The following ANKRD36 variants were observed in gnomAD, a reference collection of about 807,000 sequenced individuals.
ANKRD36 encodes ankyrin repeat domain 36.
Under a neutral mutation model 278.1 loss-of-function variants are expected in ANKRD36, and 179 were observed. That is an observed-to-expected ratio of 0.64 (90% CI 0.57 to 0.73). The LOEUF (loss-of-function observed/expected upper bound fraction) is 0.73, where lower values mean the gene tolerates loss of function less well. Among genes scored for constraint, ANKRD36 ranks in the 30% least tolerant of loss-of-function variants. The pLI is 0.00. For synonymous variants in ANKRD36, 320 were observed against 641.1 expected, an observed-to-expected ratio of 0.50 and a Z score of 7.57; for missense variants, 1,159 against 1,956.7, an observed-to-expected ratio of 0.59 and a Z score of 7.69.
In ANKRD36 at chr2:97,191,151, G is replaced by T; in HGVS notation, c.2317G>T (p.Glu773Ter). 1 of 1,598,514 alleles carries T rather than the reference G, an allele frequency of 6.3e-7. No individual in the cohort carries two copies. Among genetic ancestry groups the T allele is most frequent in the Non-Finnish European group, 8.5e-7 (1 of 1,172,354 alleles). Residue 773 changes from glutamate to a stop codon, truncating the protein, a stop_gained, in exon 36 of 76, where the codon GAA (glutamate) becomes TAA (stop). Transcript: ENST00000420699. LOFTEE classifies it high-confidence loss of function. ...AGATTCTGTTTCGAACATAGCCACA[G>T]AAATAAAGGATGGAGAAAAATCTGG... The part of the protein sequence containing the change: ...EKDSVSNIAT[E>*]IKDGEKSGTV...
chr2:97,183,376 G>A, intron 26 of ANKRD36, 83 bp from the exon 27 acceptor site: 3 of 1,439,282 alleles, frequency 2.1e-6, no homozygotes, highest in South Asian at 1.3e-5. Flanking sequence ...GGAGGATACA[G>A]CTTGATGCTA....
At chr2:97,121,166 GTTGAACTT>G (rs2036705934) in intron 3 of ANKRD36, among the ~76,000 whole-genome samples, 1 of 151,926 alleles carries the variant, frequency 6.6e-6, no homozygotes. Flanking sequence ...TGGTAATCGG[GTTGAACTT>G]TTGAATTTAG....
intron 50 of ANKRD36, 53 bp from the exon 51 acceptor site, chr2:97,205,887 A>T (rs2062711621): frequency 1.1e-5 from 17 of 1,510,354 alleles, no homozygotes; most frequent in Non-Finnish European, 1.5e-5. Flanking sequence ...GAATGTATGG[A>T]TATCTTTATC....
intron 6 of ANKRD36, among the ~76,000 whole-genome samples, chr2:97,129,786 T>G (rs1230597406): frequency 6.6e-6 from 1 of 152,090 alleles, no homozygotes; most frequent in African/African-American, 2.4e-5. Context: ...GTTGTAGACA[T>G]GCGGCATTAT....
At chr2:97,140,414 G>A (rs561412717) in intron 6 of ANKRD36, among the ~76,000 whole-genome samples, 4 of 151,942 alleles carry the variant, frequency 2.6e-5, no homozygotes, top group African/African-American at 7.2e-5. Context: ...AAAGTCTTAC[G>A]TATGTGAAAG....
chr2:97,185,251 A>G (rs2057144259), intron 28 of ANKRD36, 65 bp from the exon 29 acceptor site: 2 of 1,558,340 alleles, frequency 1.3e-6, no homozygotes, highest in Admixed American at 3.4e-5. Flanking sequence ...CTAACACTTC[A>G]TGAATGTATA....
At chr2:97,125,201 A>C (rs1210357048) in intron 5 of ANKRD36, among the ~76,000 whole-genome samples, 1 of 151,752 alleles carries the variant, frequency 6.6e-6, no homozygotes, top group African/African-American at 2.4e-5. Flanking sequence ...CTTTGCTACC[A>C]GCATGCCCTT....
At chr2:97,198,392 C>G in intron 42 of ANKRD36, 71 bp from the exon 43 acceptor site, 1 of 1,549,838 alleles carries the variant, frequency 6.5e-7, no homozygotes, top group Non-Finnish European at 8.7e-7. Context: ...TTGATGCTAA[C>G]ACTGTATGAA....
chr2:97,205,355 T>C (rs2062555236), intron 50 of ANKRD36, among the ~76,000 whole-genome samples: 1 of 151,532 alleles, frequency 6.6e-6, no homozygotes, highest in Non-Finnish European at 1.5e-5. Flanking sequence ...TTACACCACA[T>C]GGGTGTGAGA....
rs570712013 is a variant in ANKRD36, at chr2:97,126,695, C to T, written c.732-372C>T. ...ATGCTGCTTCATTAAACCTATATAA[C>T]AACCTAGTGAAAGAAGATAGTAAAA... On this transcript the variant is annotated intron_variant, in intron 5 of 75. Transcript: ENST00000420699. 8.7e-4 allele frequency among the ~76,000 whole-genome samples: 132 copies of T among 151,994 alleles called. 1 individual carries two copies. The highest frequency in any genetic ancestry group is 1.3e-3 in the Non-Finnish European group (85 of 67,918).
At chr2:97,130,242 T>C (rs140092863) in intron 6 of ANKRD36, among the ~76,000 whole-genome samples, 2,565 of 151,994 alleles carry the variant, frequency 0.017, 51 homozygotes, top group Non-Finnish European at 0.024. Flanking sequence ...GTGGCACATA[T>C]ACACCATGGG....
At position 97,118,148 on chromosome 2, in the gene ANKRD36, C is replaced by A. The variant is rs769792584; in HGVS notation, c.282C>A (p.Cys94Ter). The change falls in exon 2 of 76, where the codon TGC (cysteine) becomes TGA (stop). Residue 94 changes from cysteine (C) to a stop codon, truncating the protein, a stop_gained. Transcript: ENST00000420699. LOFTEE classifies it high-confidence loss of function. ...CCAGAAGATGTGAGCTTAACCTCTG[C>A]GACCGTGAAGACAGGACACCTCTGA... is the stretch of plus-strand genomic sequence containing the variant. ...LVSRRCELNL[C>*]DREDRTPLIK... 62 of 1,570,374 alleles carry A rather than the reference C, an allele frequency of 3.9e-5. 3 individuals are homozygous for A. In the Admixed American group the frequency reaches 1.1e-3, roughly 28 times the overall value.
intron 56 of ANKRD36, among the ~76,000 whole-genome samples, chr2:97,210,299 G>C (rs1157271789): frequency 6.6e-6 from 1 of 151,838 alleles, no homozygotes; most frequent in Non-Finnish European, 1.5e-5. Flanking sequence ...GAGACCCCTG[G>C]TGTAGCAACT....
Position 97,115,374 on chromosome 2 carries a change from A to G in ANKRD36, c.197+1438A>G, listed in dbSNP as rs549072797. On this transcript the variant is annotated intron_variant, in intron 1 of 75. Coordinates refer to ENST00000420699, the MANE Select transcript of ANKRD36 (RefSeq NM_001354587.1). ...GATGCATGTTTATATTCCTACAAATATCACAAGCACACATTCTGAAGGTCG... is the reference window on the plus strand; with the variant it reads ...GATGCATGTTTATATTCCTACAAATGTCACAAGCACACATTCTGAAGGTCG... 2.1e-3 allele frequency among the ~76,000 whole-genome samples: 321 copies of G among 152,278 alleles called. 1 individual carries two copies. The highest frequency in any genetic ancestry group is 7.4e-3 in the African/African-American group (306 of 41,582).
At position 97,122,896 on chromosome 2, in the gene ANKRD36, C is replaced by G; in HGVS notation, c.496C>G (p.Gln166Glu). Residue 166 changes from glutamine to glutamate, a missense_variant, in exon 4 of 76, where the codon CAG (glutamine) becomes GAG (glutamate). Gln to Glu is a conservative substitution (Grantham distance 29). Coordinates refer to ENST00000420699, the MANE Select transcript of ANKRD36 (RefSeq NM_001354587.1). ...NIEECSKCEYQPLLFAVSRRK... is the reference protein window; with the variant it reads ...NIEECSKCEYEPLLFAVSRRK... ...TGCTGTTATTTTACAGTGTGAATAT[C>G]AGCCACTGTTATTTGCTGTGAGTCG... The G allele has an allele frequency of 6.5e-7, 1 of 1,540,124 alleles. No homozygotes were observed. Among genetic ancestry groups the G allele is most frequent in the Non-Finnish European group, 8.8e-7 (1 of 1,141,144 alleles).
chr2:97,181,953 G>A (rs1292335492), intron 26 of ANKRD36, among the ~76,000 whole-genome samples, 160 bp downstream of exon 26: 1 of 151,512 alleles, frequency 6.6e-6, no homozygotes, highest in African/African-American at 2.4e-5. Flanking sequence ...GCTGGTCTTC[G>A]ACATGATCTT....
At chr2:97,141,585 C>G (rs1336716132) in intron 6 of ANKRD36, among the ~76,000 whole-genome samples, 1 of 136,270 alleles carries the variant, frequency 7.3e-6, no homozygotes, top group Non-Finnish European at 1.6e-5. Context: ...TACTAGAATT[C>G]AGATAAACCA....
chr2:97,204,601 TA>T (rs2062336616), intron 50 of ANKRD36, among the ~76,000 whole-genome samples: 1 of 151,228 alleles, frequency 6.6e-6, no homozygotes, highest in Non-Finnish European at 1.5e-5. Flanking sequence ...AGTATAGAAT[TA>T]ACACACTTCA....
rs368776720 is a variant in ANKRD36, at chr2:97,193,066, A to G, written c.2449+13A>G. The G allele has an allele frequency of 1.3e-4, 200 of 1,536,070 alleles. 1 individual carries two copies. In the East Asian group the frequency reaches 2.3e-3, roughly 17 times the overall value. ...AAATCTAGGACAGGTAATTTTGAAA[A>G]GAGATTTAATGTCATGTTCAGTGCA... On this transcript the variant is annotated intron_variant, in intron 38 of 75. Transcript: ENST00000420699.
Sources: gnomAD v4.1 joint callset for allele counts (sites outside exome capture counted in the v4.1 genomes callset) on GRCh38, gnomAD v4.1.1 for gene constraint, MANE v1.5 for transcripts, NCBI Gene and HGNC (gene_info 2026-07-23, HGNC 2026-07-21) for gene names.